Variants in KHDRBS3 observed in about 807,000 individuals in gnomAD.
The protein encoded by KHDRBS3 is KH domain-containing, RNA-binding, signal transduction-associated protein 3.
KHDRBS3 carries 23 observed loss-of-function variants against 45.6 expected under a neutral mutation model. That is an observed-to-expected ratio of 0.50 (90% confidence interval 0.36 to 0.72). The LOEUF (loss-of-function observed/expected upper bound fraction) is 0.72. Among genes scored for constraint, KHDRBS3 ranks in the 30% least tolerant of loss-of-function variants. The pLI is 0.00. For missense variants in KHDRBS3, 352 were observed against 424.8 expected (o/e 0.83, Z 1.51); for synonymous variants, 162 against 156.5 (o/e 1.04, Z -0.26).
intron 1 of KHDRBS3, among the ~76,000 whole-genome samples, chr8:135,509,435 A>G (rs1359373275): frequency 6.6e-6 from 1 of 152,222 alleles, no homozygotes; most frequent in Non-Finnish European, 1.5e-5. Flanking sequence ...CCTCCAGTAT[A>G]GAGTCTAGAA....
intron 8 of KHDRBS3, among the ~76,000 whole-genome samples, chr8:135,645,992 ATTTTTTTTTTTTTT>A (rs57082119): frequency 9.9e-6 from 1 of 100,688 alleles, no homozygotes; most frequent in Non-Finnish European, 1.8e-5. Context: ...TGCACCTTGG[ATTTTTTTTTTTTTT>A]TTTTTTTTTT....
At chr8:135,517,289 C>G (rs1824659965) in intron 1 of KHDRBS3, among the ~76,000 whole-genome samples, 1 of 152,128 alleles carries the variant, frequency 6.6e-6, no homozygotes, top group African/African-American at 2.4e-5. Flanking sequence ...AAAGTCAAAT[C>G]CCCTATGCAT....
chr8:135,500,695 G>A (rs1272149370), intron 1 of KHDRBS3, among the ~76,000 whole-genome samples: 2 of 152,188 alleles, frequency 1.3e-5, no homozygotes, highest in East Asian at 3.8e-4. Flanking sequence ...CACATCTGCT[G>A]ATGGTTTAAG....
Position 135,609,750 on chromosome 8 carries a change from G to A in KHDRBS3, c.890+2713G>A, listed in dbSNP as rs994581791. The stretch of plus-strand genomic sequence containing the variant: ...CTGTACCTGCAGTCTGTTGTTGACT[G>A]AGACGTCGTTATGCAGCACGTGACT... On this transcript the variant is annotated intron_variant, in intron 7 of 8. Coordinates refer to ENST00000355849, the MANE Select transcript of KHDRBS3 (RefSeq NM_006558.3). 1.1e-4 allele frequency among the ~76,000 whole-genome samples: 16 copies of A among 151,892 alleles called. 1 individual carries two copies. The highest frequency in any genetic ancestry group is 3.9e-4 in the African/African-American group (16 of 41,150).
At chr8:135,592,845 C>A (rs1237139663) in intron 6 of KHDRBS3, among the ~76,000 whole-genome samples, 1 of 151,852 alleles carries the variant, frequency 6.6e-6, no homozygotes, top group Non-Finnish European at 1.5e-5. Context: ...TCTGGAAAGG[C>A]AAATAAATGG....
rs1286969328 is a variant in KHDRBS3 at position 135,458,512 on chromosome 8, A to T, written c.88+558A>T. On this transcript the variant is annotated intron_variant, in intron 1 of 8. Transcript: ENST00000355849. ...GAGAGGAGCTCCGTGGTCCCAGGGG[A>T]GGAGCCCAGTTCCCCCTCCCAGCCC... The T allele has an allele frequency of 1.2e-5, 3 of 258,246 alleles. No individual in the cohort carries two copies. In the East Asian group the frequency reaches 3.1e-4, roughly 27 times the overall value. The allele number at this position is 258,246 out of a possible 1,614,324, so 16.0% of individuals were successfully genotyped here. A position where few individuals can be genotyped will look rare whatever the true frequency, so the allele number is the denominator to read the frequency against.
chr8:135,632,813 C>G (rs894892074), intron 7 of KHDRBS3, among the ~76,000 whole-genome samples: 5 of 152,148 alleles, frequency 3.3e-5, no homozygotes, highest in Non-Finnish European at 4.4e-5. Flanking sequence ...CCCTTGTCCT[C>G]TCTGCTCCAA....
intron 1 of KHDRBS3, among the ~76,000 whole-genome samples, chr8:135,467,216 G>A (rs1265738520): frequency 1.3e-5 from 2 of 152,110 alleles, no homozygotes; most frequent in African/African-American, 2.4e-5. Flanking sequence ...GAATATATTC[G>A]TTGTATCTAA....
intron 4 of KHDRBS3, among the ~76,000 whole-genome samples, chr8:135,556,333 T>C (rs1306041953): frequency 6.6e-6 from 1 of 152,248 alleles, no homozygotes; most frequent in Non-Finnish European, 1.5e-5. Context: ...GTAGTTGAAC[T>C]AATTTAAACT....
intron 2 of KHDRBS3, among the ~76,000 whole-genome samples, chr8:135,527,567 T>C (rs1367262836): frequency 6.6e-6 from 1 of 152,214 alleles, no homozygotes; most frequent in Non-Finnish European, 1.5e-5. Flanking sequence ...TTTGAACTGT[T>C]TTAGACGATG....
chr8:135,510,114 G>A (rs1270165869), intron 1 of KHDRBS3, among the ~76,000 whole-genome samples: 2 of 151,832 alleles, frequency 1.3e-5, no homozygotes, highest in Non-Finnish European at 2.9e-5. Context: ...AGAGTAGCTG[G>A]GACTACAGGC....
At chr8:135,596,509 TC>T (rs1828980484) in intron 6 of KHDRBS3, among the ~76,000 whole-genome samples, 2 of 152,146 alleles carry the variant, frequency 1.3e-5, no homozygotes, top group African/African-American at 2.4e-5. Flanking sequence ...ACTTACTAAT[TC>T]CCCTATCCTG....
intron 2 of KHDRBS3, among the ~76,000 whole-genome samples, chr8:135,534,501 CAG>C (rs1394394501): frequency 6.6e-6 from 1 of 152,128 alleles, no homozygotes; most frequent in Non-Finnish European, 1.5e-5. Flanking sequence ...ATGAGTAAGA[CAG>C]GGTTTCCGCG....
At chr8:135,514,360 A>G (rs1824457611) in intron 1 of KHDRBS3, among the ~76,000 whole-genome samples, 1 of 152,268 alleles carries the variant, frequency 6.6e-6, no homozygotes, top group Non-Finnish European at 1.5e-5. Flanking sequence ...TTATATAGCT[A>G]CAGTGGAATA....
chr8:135,593,800 A>C (rs1372537370), intron 6 of KHDRBS3, among the ~76,000 whole-genome samples: 1 of 152,154 alleles, frequency 6.6e-6, no homozygotes, highest in Non-Finnish European at 1.5e-5. Flanking sequence ...TGCAGAGACG[A>C]AACACAGTTA....
intron 1 of KHDRBS3, among the ~76,000 whole-genome samples, chr8:135,499,478 A>T (rs755187161): frequency 5.3e-5 from 8 of 152,158 alleles, no homozygotes; most frequent in Non-Finnish European, 1.0e-4. Flanking sequence ...ACTTGGCTAC[A>T]TGTGTATATG....
At chr8:135,582,551 A>G (rs1349476718) in intron 6 of KHDRBS3, among the ~76,000 whole-genome samples, 1 of 152,224 alleles carries the variant, frequency 6.6e-6, no homozygotes, top group African/African-American at 2.4e-5. Context: ...AATTAGTGCA[A>G]ATCAGTTTTT....
chr8:135,484,558 T>C (rs1054836483), intron 1 of KHDRBS3, among the ~76,000 whole-genome samples: 19 of 152,238 alleles, frequency 1.2e-4, no homozygotes, highest in African/African-American at 3.9e-4. Context: ...AACTTCACCT[T>C]TGGACATTTA....
chr8:135,643,085 G>A (rs1390036893), intron 7 of KHDRBS3, among the ~76,000 whole-genome samples: 2 of 152,130 alleles, frequency 1.3e-5, no homozygotes, highest in Admixed American at 6.5e-5. Flanking sequence ...GAGCCACCGC[G>A]CCTGGCCTGG....
Sources: gnomAD v4.1 joint callset for allele counts (sites outside exome capture counted in the v4.1 genomes callset) on GRCh38, gnomAD v4.1.1 for gene constraint, MANE v1.5 for transcripts, NCBI Gene and HGNC (gene_info 2026-07-23, HGNC 2026-07-21) for gene names.